Variants in SPMIP4 observed in about 807,000 individuals in gnomAD.
SPMIP4 encodes sperm-associated microtubule inner protein 4.
the SPMIP4 span, chr7:25,155,181 A>G: frequency 1.3e-6 from 2 of 1,548,042 alleles, no homozygotes; most frequent in Non-Finnish European, 1.7e-6. Flanking sequence ...TGGATATGGC[A>G]AGCAGATCTC....
the SPMIP4 span, among the ~76,000 whole-genome samples, chr7:25,144,494 C>A: frequency 1.3e-5 from 2 of 152,202 alleles, no homozygotes; most frequent in African/African-American, 4.8e-5. Flanking sequence ...ACTCCTTTGG[C>A]CATGAGGTAT....
the SPMIP4 span, chr7:25,168,226 C>A: frequency 6.9e-7 from 1 of 1,440,940 alleles, no homozygotes; most frequent in Non-Finnish European, 9.4e-7. Flanking sequence ...AAAGGACTCA[C>A]AATGGAAGTA....
chr7:25,178,762 C>T, the SPMIP4 span, among the ~76,000 whole-genome samples: 3 of 152,122 alleles, frequency 2.0e-5, no homozygotes, highest in Non-Finnish European at 4.4e-5. Flanking sequence ...AGCCCCGGCC[C>T]GGCGCAGTGG....
chr7:25,130,444 C>G, the SPMIP4 span, among the ~76,000 whole-genome samples: 1 of 151,576 alleles, frequency 6.6e-6, no homozygotes, highest in Non-Finnish European at 1.5e-5. Flanking sequence ...TCTCAAGTAG[C>G]TGGGATTACA....
At chr7:25,158,194 C>A in the SPMIP4 span, among the ~76,000 whole-genome samples, 2 of 149,646 alleles carry the variant, frequency 1.3e-5, no homozygotes, top group African/African-American at 2.5e-5. Flanking sequence ...ATAGCAAGAA[C>A]CCATCTCTAC....
chr7:25,160,280 T>G, the SPMIP4 span, among the ~76,000 whole-genome samples: 1 of 151,494 alleles, frequency 6.6e-6, no homozygotes, highest in Non-Finnish European at 1.5e-5. Context: ...ATTACTTCTA[T>G]GCTGTCGTGT....
the SPMIP4 span, chr7:25,134,744 C>G: frequency 1.0e-6 from 1 of 985,286 alleles, no homozygotes; most frequent in Non-Finnish European, 1.2e-6. Flanking sequence ...GAATTCCATT[C>G]CAGTGATCTA....
At chr7:25,178,746 C>T in the SPMIP4 span, among the ~76,000 whole-genome samples, 1 of 152,092 alleles carries the variant, frequency 6.6e-6, no homozygotes, top group African/African-American at 2.4e-5. Flanking sequence ...ATATGATAAG[C>T]AGAAGAGCCC....
chr7:25,135,829 C>T, the SPMIP4 span: 1 of 1,384,254 alleles, frequency 7.2e-7, no homozygotes, highest in African/African-American at 1.5e-5. Context: ...CAGATACTAA[C>T]TTAAATTCCT....
At chr7:25,137,301 C>CTTTTTTTTTT in the SPMIP4 span, among the ~76,000 whole-genome samples, 1 of 127,094 alleles carries the variant, frequency 7.9e-6, no homozygotes, top group Non-Finnish European at 1.6e-5. Context: ...GCTGAATTTT[C>CTTTTTTTTTT]TTTTTTTTTT....
At chr7:25,131,029 C>T in the SPMIP4 span, among the ~76,000 whole-genome samples, 1 of 152,192 alleles carries the variant, frequency 6.6e-6, no homozygotes, top group Non-Finnish European at 1.5e-5. The surrounding 1 kb of genome is among the most constrained non-coding windows in gnomAD (Gnocchi z 4.2). Flanking sequence ...GGGGGGTGAG[C>T]AAATGAAGCT....
chr7:25,125,933 G>A, the SPMIP4 span: 1 of 985,424 alleles, frequency 1.0e-6, no homozygotes, highest in Non-Finnish European at 1.2e-6. Flanking sequence ...CCAAGACTGA[G>A]GAAGGTGCTG....
chr7:25,155,342 G>A, the SPMIP4 span: 2 of 544,348 alleles, frequency 3.7e-6, no homozygotes, highest in South Asian at 4.5e-5. Context: ...CAATGTCCCT[G>A]TGCTCATGGA....
the SPMIP4 span, chr7:25,142,315 G>C: frequency 6.2e-7 from 1 of 1,609,680 alleles, no homozygotes; most frequent in African/African-American, 1.3e-5. Flanking sequence ...AGTTCAAGGG[G>C]GTCCATGGGC....
the SPMIP4 span, among the ~76,000 whole-genome samples, chr7:25,158,263 G>A: frequency 1.6e-4 from 24 of 151,594 alleles, no homozygotes; most frequent in African/African-American, 5.6e-4. Context: ...AGCTACTTGG[G>A]AGGTGAAGGT....
the SPMIP4 span, among the ~76,000 whole-genome samples, chr7:25,148,185 T>C: frequency 6.6e-6 from 1 of 152,116 alleles, no homozygotes. Flanking sequence ...ATGATGTAAT[T>C]GGTGTGGGGT....
At chr7:25,141,800 C>T in the SPMIP4 span, among the ~76,000 whole-genome samples, 16 of 152,130 alleles carry the variant, frequency 1.1e-4, no homozygotes, top group African/African-American at 9.6e-5. Flanking sequence ...CGCAGTGGCA[C>T]GATCTCAGCT....
chr7:25,168,581 G>C, the SPMIP4 span: 1 of 858,800 alleles, frequency 1.2e-6, no homozygotes, highest in East Asian at 2.8e-5. Flanking sequence ...TAAATCTTCA[G>C]AACACAGAAT....
the SPMIP4 span, chr7:25,168,347 G>A: frequency 6.2e-7 from 1 of 1,612,626 alleles, no homozygotes; most frequent in East Asian, 2.2e-5. Flanking sequence ...ATGACACGAG[G>A]AGGCTCATAC....
Sources: gnomAD v4.1 joint callset for allele counts (sites outside exome capture counted in the v4.1 genomes callset) on GRCh38, gnomAD v4.1.1 for gene constraint, Gnocchi (gnomAD v3.1) non-coding constraint, MANE v1.5 for transcripts, NCBI Gene and HGNC (gene_info 2026-07-23, HGNC 2026-07-21) for gene names.